ATP8A1: variants seen among roughly 807,000 people sequenced by gnomAD.
ATP8A1 encodes the protein ATPase phospholipid transporting 8A1.
A neutral mutation model predicts 177.7 loss-of-function variants in ATP8A1; 90 were observed. That is an observed-to-expected ratio of 0.51 (90% confidence interval 0.43 to 0.60). The LOEUF is 0.60. Among genes scored for constraint, ATP8A1 ranks in the 20% least tolerant of loss-of-function variants. The pLI, the probability that ATP8A1 is intolerant of heterozygous loss-of-function variation, is 0.00. For synonymous variants in ATP8A1, 493 were observed against 485.9 expected (o/e 1.01, Z -0.19); for missense variants, 1,072 against 1,392.8 (o/e 0.77, Z 3.67).
At chr4:42,511,789 A>G (rs1725027950) in intron 22 of ATP8A1, among the ~76,000 whole-genome samples, 1 of 152,152 alleles carries the variant, frequency 6.6e-6, no homozygotes, top group African/African-American at 2.4e-5. Flanking sequence ...TTTCCATATT[A>G]GCAAACATTA....
rs1712405759 is a variant in ATP8A1, at chr4:42,410,006, G to A, written c.*2910C>T. 1 of 152,110 alleles carries A rather than the reference G, an allele frequency of 6.6e-6. No individual in the cohort carries two copies. The highest frequency in any genetic ancestry group is 2.4e-5 in the African/African-American group (1 of 41,432). The allele number at this position is 152,110 out of a possible 1,614,324, so 9.4% of individuals were successfully genotyped here. On this transcript the variant is annotated 3_prime_UTR_variant, in exon 37 of 37. Coordinates refer to ENST00000381668, the MANE Select transcript of ATP8A1 (RefSeq NM_006095.2). ...CATTCACCTGACTTGATTAGAAAAA[G>A]TTTTCCATTAACTTAGCAACACTGC... is the stretch of plus-strand genomic sequence containing the variant.
Position 42,543,898 on chromosome 4 carries a change from A to C in ATP8A1, c.1722+19T>G. 6.4e-7 allele frequency: 1 copy of C among 1,571,026 alleles called. No homozygotes were observed. Among genetic ancestry groups the C allele is most frequent in the South Asian group, 1.1e-5 (1 of 87,952 alleles). On this transcript the variant is annotated intron_variant, in intron 20 of 36. Transcript: ENST00000381668. ...ACCATCATAAATTATAACTGTAAAA[A>C]ATAAAAATAAAAACTTACAGCTCCT...
At chr4:42,446,873 G>A (rs28416692) in intron 30 of ATP8A1, among the ~76,000 whole-genome samples, 18,018 of 151,140 alleles carry the variant, frequency 0.12, 2,149 homozygotes, top group African/African-American at 0.31. Context: ...ACTTGTTAAC[G>A]AATTTTCAGA....
chr4:42,532,533 T>C (rs1387459319), intron 20 of ATP8A1, among the ~76,000 whole-genome samples: 1 of 151,990 alleles, frequency 6.6e-6, no homozygotes, highest in Admixed American at 6.6e-5. Flanking sequence ...AAACATCCCA[T>C]GCCCCACTGG....
intron 23 of ATP8A1, among the ~76,000 whole-genome samples, chr4:42,505,081 A>G (rs1724236540): frequency 6.6e-6 from 1 of 152,196 alleles, no homozygotes; most frequent in South Asian, 2.1e-4. Context: ...TTTTCTTTAT[A>G]GCAATCATTG....
chr4:42,428,956 T>C (rs946181149), intron 33 of ATP8A1, among the ~76,000 whole-genome samples: 1 of 152,186 alleles, frequency 6.6e-6, no homozygotes, highest in Non-Finnish European at 1.5e-5. Context: ...TAGTTGCTCA[T>C]TCATCCTCTT....
At chr4:42,414,212 A>T (rs1370862593) in intron 36 of ATP8A1, among the ~76,000 whole-genome samples, 2 of 152,250 alleles carry the variant, frequency 1.3e-5, no homozygotes, top group Non-Finnish European at 2.9e-5. Flanking sequence ...ATAATGTCTT[A>T]CAACTCTAAA....
In ATP8A1 at chr4:42,558,729, T is replaced by A. The variant is rs759563063; in HGVS notation, c.1341-2689A>T. ...CTTGTAAACCAAAATAAACTCCAGA[T>A]GGATCAATGATTTTATAAATGTACT... On this transcript the variant is annotated intron_variant, in intron 15 of 36. Transcript: ENST00000381668. 5.6e-4 allele frequency among the ~76,000 whole-genome samples: 85 copies of A among 152,244 alleles called. No homozygotes were observed. The Middle Eastern group carries it at 0.017, about 30-fold the overall frequency.
intron 10 of ATP8A1, 53 bp from the exon 11 acceptor site, chr4:42,580,031 A>G (rs1213437220): frequency 7.4e-7 from 1 of 1,342,400 alleles, no homozygotes; most frequent in African/African-American, 1.5e-5. Context: ...TGATTTAGCA[A>G]TCTATACTTA....
At chr4:42,527,234 G>C (rs528748063) in intron 20 of ATP8A1, among the ~76,000 whole-genome samples, 2 of 152,154 alleles carry the variant, frequency 1.3e-5, no homozygotes, top group Non-Finnish European at 1.5e-5. Context: ...GACACAAGCT[G>C]TTATCATGCG....
chr4:42,524,589 A>G (rs975403807), intron 21 of ATP8A1, among the ~76,000 whole-genome samples, 174 bp downstream of exon 21: 1 of 152,178 alleles, frequency 6.6e-6, no homozygotes. Flanking sequence ...TAGTTTTAGG[A>G]AAGTAAAATA....
At chr4:42,480,984 A>G (rs981660366) in intron 25 of ATP8A1, among the ~76,000 whole-genome samples, 10 of 152,380 alleles carry the variant, frequency 6.6e-5, no homozygotes, top group Non-Finnish European at 1.2e-4. Flanking sequence ...CTGTCACAGA[A>G]CATAAGTTTC....
intron 24 of ATP8A1, among the ~76,000 whole-genome samples, chr4:42,489,632 G>C (rs1722544547): frequency 2.0e-5 from 3 of 152,186 alleles, no homozygotes; most frequent in Admixed American, 1.3e-4. Context: ...GTTGTTAGCT[G>C]TGTGCTGCCA....
intron 5 of ATP8A1, among the ~76,000 whole-genome samples, chr4:42,606,777 T>C (rs919616623): frequency 6.6e-6 from 1 of 152,204 alleles, no homozygotes; most frequent in African/African-American, 2.4e-5. Context: ...TATATTCACA[T>C]GATTGTACCC....
chr4:42,425,797 T>C (rs1387572038), intron 33 of ATP8A1, among the ~76,000 whole-genome samples: 1 of 151,512 alleles, frequency 6.6e-6, no homozygotes, highest in Admixed American at 6.6e-5. Flanking sequence ...AAATTTCTCC[T>C]AATGTGGGAG....
chr4:42,547,726 A>T (rs1027590292), intron 19 of ATP8A1, among the ~76,000 whole-genome samples: 3 of 152,172 alleles, frequency 2.0e-5, no homozygotes, highest in African/African-American at 7.2e-5. Context: ...TATCTAAGTT[A>T]AAAAAAGCTT....
chr4:42,551,364 A>C, intron 17 of ATP8A1, 84 bp from the exon 18 acceptor site: 2 of 932,248 alleles, frequency 2.1e-6, no homozygotes, highest in Non-Finnish European at 3.4e-6. Flanking sequence ...AAGGTAATAT[A>C]ATTTTCTGTT....
intron 7 of ATP8A1, chr4:42,588,547 C>G: frequency 2.2e-6 from 1 of 452,046 alleles, no homozygotes; most frequent in South Asian, 3.1e-5. Flanking sequence ...GACCCAAAAG[C>G]AATTTCCTGA....
At chr4:42,531,654 T>C (rs1236552959) in intron 20 of ATP8A1, among the ~76,000 whole-genome samples, 1 of 152,204 alleles carries the variant, frequency 6.6e-6, no homozygotes, top group Non-Finnish European at 1.5e-5. Flanking sequence ...ACATATCTTA[T>C]ATCTGCAAAA....
Sources: allele counts gnomAD v4.1 joint callset (sites outside exome capture counted in the v4.1 genomes callset), GRCh38; gene constraint gnomAD v4.1.1; transcripts MANE v1.5; gene names NCBI Gene and HGNC (gene_info 2026-07-23, HGNC 2026-07-21).